The following GABRQ variants were observed in gnomAD, a reference collection of about 807,000 sequenced individuals.
The protein encoded by GABRQ is gamma-aminobutyric acid receptor subunit theta.
A neutral mutation model predicts 30.5 loss-of-function variants in GABRQ; 19 were observed. That is an observed-to-expected ratio of 0.62 (90% CI 0.43 to 0.91). The LOEUF is 0.91. GABRQ is among the 40% of genes least tolerant of loss of function. The probability of loss-of-function intolerance (pLI) is 0.00; values close to 1 mark genes in which losing one functional copy is unlikely to be tolerated. For synonymous variants in GABRQ, 187 were observed against 210.2 expected (o/e 0.89, Z 0.95); for missense variants, 520 against 521.4 (o/e 1.00, Z 0.03).
Position 152,638,041 on chromosome X carries a change from C to A in GABRQ, c.-162C>A. ...TCCGGGCCGACCCCCGCACCCCCTA[C>A]TTCCCTTGCCCTCGCTGCTCTCTCC... On this transcript the variant is annotated 5_prime_UTR_variant, in exon 1 of 9. Transcript: ENST00000598523. 1 of 458,823 alleles carries A rather than the reference C, an allele frequency of 2.2e-6. No homozygotes were observed. Among genetic ancestry groups the A allele is most frequent in the Non-Finnish European group, 3.6e-6 (1 of 276,772 alleles). 37.8% of individuals were successfully genotyped at this position (458,823 alleles called of 1,213,427 possible).
chrX:152,649,885 T>C lies in GABRQ; in HGVS notation c.748+6T>C. On this transcript the variant is annotated splice_donor_region_variant and intron_variant, in intron 6 of 8. Transcript: ENST00000598523. ...GGAGGTGTATTTCTACACAGGTGGG[T>C]CTGACCCCTTCCTTCTCTCCTGTCT... 8.4e-7 allele frequency: 1 copy of C among 1,186,510 alleles called. No individual in the cohort carries two copies. Among genetic ancestry groups the C allele is most frequent in the Non-Finnish European group, 1.1e-6 (1 of 874,617 alleles).
intron 2 of GABRQ, among the ~76,000 whole-genome samples, chrX:152,640,765 A>T (rs1450884022): frequency 1.8e-5 from 2 of 111,963 alleles, no homozygotes; most frequent in Admixed American, 9.4e-5. Context: ...GGTGTACAGG[A>T]TGCGGCGCGC....
intron 2 of GABRQ, among the ~76,000 whole-genome samples, chrX:152,642,251 G>A (rs1438628534): frequency 2.7e-5 from 3 of 111,696 alleles, no homozygotes; most frequent in Non-Finnish European, 3.8e-5. Context: ...GGCAGTCAGC[G>A]CCTGGGGACT....
rs1338630523 is a variant in GABRQ, at chrX:152,652,749, C to T, written c.1367C>T (p.Thr456Ile). ...GAAAGCCTGAGCGATCTCCCCTCCACCTCAGAGCAGGCCCGGCACAGCTAT... is the reference window on the plus strand; with the variant it reads ...GAAAGCCTGAGCGATCTCCCCTCCATCTCAGAGCAGGCCCGGCACAGCTAT... ...TGESLSDLPS[T>I]SEQARHSYGV... Residue 456 changes from threonine to isoleucine, a missense_variant, in exon 9 of 9, where the codon ACC becomes ATC. Transcript: ENST00000598523. 1 of 1,210,472 alleles carries T rather than the reference C, an allele frequency of 8.3e-7. No homozygotes were observed. Among genetic ancestry groups the T allele is most frequent in the Non-Finnish European group, 1.1e-6 (1 of 894,856 alleles).
Position 152,653,268 on chromosome X carries a change from A to G in GABRQ, c.1886A>G (p.Tyr629Cys). 8.3e-7 allele frequency: 1 copy of G among 1,198,815 alleles called. No individual in the cohort carries two copies. Among genetic ancestry groups the G allele is most frequent in the Non-Finnish European group, 1.1e-6 (1 of 885,129 alleles). ...FGLFNIVYWVYHMY is the reference protein window; with the variant it reads ...FGLFNIVYWVCHMY ...TTGTTCAACATTGTTTACTGGGTAT[A>G]CCATATGTATTAGTCCCCCAGTGCT... Residue 629 changes from tyrosine to cysteine, a missense_variant, in exon 9 of 9, where the codon TAC (tyrosine) becomes TGC (cysteine). Tyr to Cys is a radical substitution (Grantham distance 194). Coordinates refer to ENST00000598523, the MANE Select transcript of GABRQ (RefSeq NM_018558.4).
chrX:152,649,172 C>T (rs1361300201), intron 4 of GABRQ, 79 bp from the exon 5 acceptor site: 7 of 642,507 alleles, frequency 1.1e-5, no homozygotes, highest in Non-Finnish European at 1.9e-5. Context: ...CTTCCCTCCC[C>T]ACCCCTGCAG....
intron 7 of GABRQ, among the ~76,000 whole-genome samples, chrX:152,650,854 G>A (rs1379060059): frequency 9.0e-6 from 1 of 111,337 alleles, no homozygotes; most frequent in Non-Finnish European, 1.9e-5. Context: ...GAATCCATAA[G>A]TAAACGGACG....
downstream of GABRQ, among the ~76,000 whole-genome samples, chrX:152,658,584 G>A: frequency 8.9e-6 from 1 of 112,173 alleles, no homozygotes. Context: ...GAACAGGCCA[G>A]CAATGTCATC....
At chrX:152,649,360 T>C in intron 5 of GABRQ, 27 bp downstream of exon 5, 1 of 889,515 alleles carries the variant, frequency 1.1e-6, no homozygotes, top group African/African-American at 1.9e-5. Context: ...TGGCCCCTTC[T>C]TCCGTACTTG....
rs1441245267 is a variant in GABRQ at position 152,656,404 on chromosome X, A to G, written c.*3123A>G. ...CCCACCTTCCATTTCTTTCCTTCCCATCGACTTCCCCGACCCAGGATCCCT... is the reference window on the plus strand; with the variant it reads ...CCCACCTTCCATTTCTTTCCTTCCCGTCGACTTCCCCGACCCAGGATCCCT... On this transcript the variant is annotated 3_prime_UTR_variant, in exon 9 of 9. Transcript: ENST00000598523. 2 of 111,441 alleles carry G rather than the reference A, an allele frequency of 1.8e-5. No individual in the cohort carries two copies. Among genetic ancestry groups the G allele is most frequent in the Admixed American group, 9.5e-5 (1 of 10,543 alleles). 9.2% of individuals were successfully genotyped at this position (111,441 alleles called of 1,213,427 possible).
At chrX:152,649,943 C>T (rs1556819895) in intron 6 of GABRQ, 64 bp downstream of exon 6, 12 of 943,288 alleles carry the variant, frequency 1.3e-5, no homozygotes, top group South Asian at 2.2e-5. Context: ...AAACTCCTAG[C>T]GGCCTCTGAT....
Position 152,637,912 on chromosome X carries a change from G to A in GABRQ, c.-291G>A, listed in dbSNP as rs1452340778. ...CTGTGCCCAGTCGCAGCCAGGAGCG[G>A]CCGCAGACGGAGCGCACCTCGCAGC... On this transcript the variant is annotated 5_prime_UTR_variant, in exon 1 of 9. Transcript: ENST00000598523. 2.6e-5 allele frequency among the ~76,000 whole-genome samples: 3 copies of A among 113,472 alleles called. No homozygotes were observed. Among genetic ancestry groups the A allele is most frequent in the African/African-American group, 9.6e-5 (3 of 31,305 alleles).
Position 152,638,049 on chromosome X carries a change from G to C in GABRQ, c.-154G>C. On this transcript the variant is annotated 5_prime_UTR_variant, in exon 1 of 9. Transcript: ENST00000598523. ...GACCCCCGCACCCCCTACTTCCCTT[G>C]CCCTCGCTGCTCTCTCCTTAGAGGC... 1 of 471,560 alleles carries C rather than the reference G, an allele frequency of 2.1e-6. No individual in the cohort carries two copies. The allele number at this position is 471,560 out of a possible 1,213,427, so 38.9% of individuals were successfully genotyped here.
At position 152,653,239 on chromosome X, in the gene GABRQ, T is replaced by C. The variant is rs1556820679; in HGVS notation, c.1857T>C (p.Phe619=). 2.5e-6 allele frequency: 3 copies of C among 1,207,257 alleles called. No homozygotes were observed. In the South Asian group the frequency reaches 5.3e-5, roughly 21 times the overall value. The change falls in exon 9 of 9, where the codon TTT becomes TTC. Residue 619 remains phenylalanine (F), a synonymous_variant. Transcript: ENST00000598523. ...CCCGGTTCCTCTTCCCTCTGGCCTTTGGGTTGTTCAACATTGTTTACTGGG... is the reference window on the plus strand; with the variant it reads ...CCCGGTTCCTCTTCCCTCTGGCCTTCGGGTTGTTCAACATTGTTTACTGGG... The part of the protein sequence containing the change: ...KWSRFLFPLA[F]GLFNIVYWVY...
intron 7 of GABRQ, among the ~76,000 whole-genome samples, chrX:152,651,278 G>A (rs1350792741): frequency 8.9e-6 from 1 of 112,401 alleles, no homozygotes; most frequent in Non-Finnish European, 1.9e-5. Context: ...GGCCAAGGTG[G>A]GGCTGAAGAT....
chrX:152,650,314 A>T lies in GABRQ; in HGVS notation c.749-114A>T. On this transcript the variant is annotated intron_variant, in intron 6 of 8. Transcript: ENST00000598523. Reference sequence around the variant, plus strand: ...GCCCAAGCTGGATGCCTCTGGATGGAGTATTACAAGCTGAACTTCCCATTG... The same window carrying T: ...GCCCAAGCTGGATGCCTCTGGATGGTGTATTACAAGCTGAACTTCCCATTG... 9.8e-6 allele frequency: 6 copies of T among 615,197 alleles called. No individual in the cohort carries two copies. In the South Asian group the frequency reaches 1.4e-4, roughly 14 times the overall value. The allele number at this position is 615,197 out of a possible 1,213,427, so 50.7% of individuals were successfully genotyped here. A position where few individuals can be genotyped will look rare whatever the true frequency, so the allele number is the denominator to read the frequency against.
chrX:152,642,775 T>C (rs1556818583), intron 2 of GABRQ, among the ~76,000 whole-genome samples: 3 of 111,880 alleles, frequency 2.7e-5, no homozygotes, highest in African/African-American at 9.8e-5. Context: ...ACATGGTATT[T>C]GGACTCCTTA....
At chrX:152,658,374 C>T (rs1355754229), downstream of GABRQ, among the ~76,000 whole-genome samples, 3 of 112,140 alleles carry the variant, frequency 2.7e-5, no homozygotes, top group African/African-American at 9.7e-5. Context: ...CCATTTTCAG[C>T]TTGTACACAC....
intron 3 of GABRQ, among the ~76,000 whole-genome samples, chrX:152,646,422 C>T (rs373653713): frequency 8.9e-6 from 1 of 112,075 alleles, no homozygotes; most frequent in African/African-American, 3.2e-5. Context: ...TGATAATCTG[C>T]GTGGTATATT....
Sources: allele counts gnomAD v4.1 joint callset (sites outside exome capture counted in the v4.1 genomes callset), GRCh38; gene constraint gnomAD v4.1.1; transcripts MANE v1.5; gene names NCBI Gene and HGNC (gene_info 2026-07-23, HGNC 2026-07-21).